The following IQCH variants were observed in gnomAD, a reference collection of about 807,000 sequenced individuals.
IQCH encodes IQ motif containing H.
IQCH carries 98 observed loss-of-function variants against 117.0 expected under a neutral mutation model. That is an observed-to-expected ratio of 0.84 (90% CI 0.71 to 0.99). IQCH has a LOEUF of 0.99. Ranked by LOEUF, IQCH falls within the 50% of genes least tolerant of loss-of-function variation. The pLI is 0.00. For missense variants in IQCH, 1,102 were observed against 1,243.8 expected (o/e 0.89, Z 1.72); for synonymous variants, 412 against 448.2 (o/e 0.92, Z 1.02).
intron 10 of IQCH, among the ~76,000 whole-genome samples, chr15:67,382,513 C>A (rs1265052771): frequency 6.6e-6 from 1 of 152,232 alleles, no homozygotes; most frequent in Non-Finnish European, 1.5e-5. Flanking sequence ...GGCCATTATT[C>A]TGCCTACTAC....
In IQCH at chr15:67,376,369, A is replaced by T. The variant is rs1452226837; in HGVS notation, c.1372+2936A>T. 6.6e-6 allele frequency among the ~76,000 whole-genome samples: 1 copy of T among 152,272 alleles called. No homozygotes were observed. Among genetic ancestry groups the T allele is most frequent in the Non-Finnish European group, 1.5e-5 (1 of 68,046 alleles). On this transcript the variant is annotated intron_variant, in intron 10 of 20. Coordinates refer to ENST00000335894, the MANE Select transcript of IQCH (RefSeq NM_001031715.3). This position sits in a 1 kb window ranked among gnomAD's most constrained non-coding sequence, Gnocchi z 5.0. ...ATTTTTTCTCTAAATGTACTGGAAG[A>T]AAACTAATCTATTCAATCTAGTAAT...
Position 67,416,993 on chromosome 15 carries a change from A to C in IQCH, c.2160A>C (p.Pro720=). Residue 720 remains proline (P), a synonymous_variant, in exon 15 of 21, where the codon CCA becomes CCC. Transcript: ENST00000335894. The surrounding 1 kb of genome is among the most constrained non-coding windows in gnomAD (Gnocchi z 5.1). ...GCATTTTAGCACAGCACGCACAGCC[A>C]GTCAATGAGAAACGGTTCCCGACGT... ...LAGILAQHAQ[P]VNEKRFPTWR... 2.5e-6 allele frequency: 4 copies of C among 1,612,288 alleles called. No individual in the cohort carries two copies. The highest frequency in any genetic ancestry group is 4.5e-5 in the East Asian group (2 of 44,736).
intron 4 of IQCH, among the ~76,000 whole-genome samples, chr15:67,319,732 G>A (rs1328247112): frequency 6.6e-6 from 1 of 152,134 alleles, no homozygotes; most frequent in African/African-American, 2.4e-5. Context: ...GCATATTAGA[G>A]ACATTGTCAC....
chr15:67,298,865 G>GAAC (rs565566204), intron 4 of IQCH, among the ~76,000 whole-genome samples: 3 of 151,976 alleles, frequency 2.0e-5, no homozygotes, highest in African/African-American at 4.8e-5. Flanking sequence ...TAATCTGTCT[G>GAAC]AACAACAACA....
At chr15:67,451,838 A>G (rs1446245244) in intron 16 of IQCH, among the ~76,000 whole-genome samples, 2 of 152,114 alleles carry the variant, frequency 1.3e-5, no homozygotes, top group Non-Finnish European at 1.5e-5. Flanking sequence ...AAAGTCTCCC[A>G]TTATTATTGT....
chr15:67,452,776 T>G (rs2082562380), intron 16 of IQCH, among the ~76,000 whole-genome samples: 1 of 152,272 alleles, frequency 6.6e-6, no homozygotes, highest in African/African-American at 2.4e-5. Context: ...TGGCCTGCCT[T>G]GCTAGATTGG....
At chr15:67,297,080 G>A (rs899556372) in intron 4 of IQCH, among the ~76,000 whole-genome samples, 2 of 152,174 alleles carry the variant, frequency 1.3e-5, no homozygotes, top group Admixed American at 6.5e-5. Context: ...CAGCTGGGCT[G>A]TTTAGGAGCA....
intron 4 of IQCH, among the ~76,000 whole-genome samples, chr15:67,311,407 A>G (rs1194414233): frequency 2.6e-5 from 4 of 151,738 alleles, no homozygotes; most frequent in Non-Finnish European, 4.4e-5. Flanking sequence ...CAGGCAAAAT[A>G]AAATATATAA....
At chr15:67,288,256 T>G (rs897631956) in intron 4 of IQCH, among the ~76,000 whole-genome samples, 1 of 152,114 alleles carries the variant, frequency 6.6e-6, no homozygotes, top group African/African-American at 2.4e-5. Context: ...ATCTATTAAG[T>G]CCATTTGATC....
intron 5 of IQCH, among the ~76,000 whole-genome samples, chr15:67,341,654 T>G (rs1214629650): frequency 6.6e-6 from 1 of 152,182 alleles, no homozygotes; most frequent in Non-Finnish European, 1.5e-5. Flanking sequence ...ATGATTTTTT[T>G]TAAAAGTAAA....
Position 67,458,599 on chromosome 15 carries a change from A to G in IQCH, c.2506-6528A>G, listed in dbSNP as rs963646399. 2.6e-5 allele frequency among the ~76,000 whole-genome samples: 4 copies of G among 152,222 alleles called. No individual in the cohort carries two copies. Among genetic ancestry groups the G allele is most frequent in the Non-Finnish European group, 5.9e-5 (4 of 68,038 alleles). On this transcript the variant is annotated intron_variant, in intron 16 of 20. Transcript: ENST00000335894. The surrounding 1 kb of genome is among the most constrained non-coding windows in gnomAD (Gnocchi z 4.1). ...GTGCATTCCCAGCCTCCACAGCTGT[A>G]AAAAGGAAATAAGCCCTTGGCTCTG...
intron 4 of IQCH, among the ~76,000 whole-genome samples, chr15:67,327,730 T>C (rs139383599): frequency 8.5e-5 from 13 of 152,362 alleles, no homozygotes; most frequent in African/African-American, 3.1e-4. Context: ...CTGAAATCTC[T>C]GCTCAGCTTT....
rs1441312544 is a variant in IQCH at position 67,421,474 on chromosome 15, A to T, written c.2402A>T (p.Tyr801Phe). 5 of 1,614,038 alleles carry T rather than the reference A, an allele frequency of 3.1e-6. No individual in the cohort carries two copies. The highest frequency in any genetic ancestry group is 4.2e-6 in the Non-Finnish European group (5 of 1,180,026). The change falls in exon 16 of 21, where the codon TAT becomes TTT. Residue 801 changes from tyrosine to phenylalanine, a missense_variant. Physicochemically the swap from Tyr to Phe is conservative, Grantham distance 22. Transcript: ENST00000335894. ...TCAGTGGATCCCCAAGTTCTCACTT[A>T]TTTGTGCCTCCAAATTGGAAAAGCC... is the stretch of plus-strand genomic sequence containing the variant. The part of the protein sequence containing the change: ...QTSVDPQVLT[Y>F]LCLQIGKACR...
rs948644623 is a variant in IQCH, at chr15:67,453,290, G to A, written c.2506-11837G>A. ...TGAGGAGCTGCGTTCCTTTGGAGGA[G>A]GAGAGGCGCTCTGCTTTTTAGAGTT... On this transcript the variant is annotated intron_variant, in intron 16 of 20. Coordinates refer to ENST00000335894, the MANE Select transcript of IQCH (RefSeq NM_001031715.3). The surrounding 1 kb of genome is among the most constrained non-coding windows in gnomAD (Gnocchi z 5.8). Among the ~76,000 whole-genome samples, 4 of 152,204 alleles carry A rather than the reference G, an allele frequency of 2.6e-5. No individual in the cohort carries two copies. Among genetic ancestry groups the A allele is most frequent in the African/African-American group, 9.7e-5 (4 of 41,434 alleles).
chr15:67,477,197 C>T (rs1408742139), intron 18 of IQCH, among the ~76,000 whole-genome samples: 2 of 151,750 alleles, frequency 1.3e-5, no homozygotes, highest in Admixed American at 6.6e-5. Context: ...ATTACGGGCA[C>T]GTGCAACCAT....
At chr15:67,428,755 A>C (rs1005513426) in intron 16 of IQCH, among the ~76,000 whole-genome samples, 4 of 151,798 alleles carry the variant, frequency 2.6e-5, no homozygotes, top group African/African-American at 9.7e-5. Flanking sequence ...AGGCTGAGGC[A>C]GGAGAATCGC....
chr15:67,344,466 G>A (rs986234056), intron 6 of IQCH, among the ~76,000 whole-genome samples: 1 of 151,368 alleles, frequency 6.6e-6, no homozygotes, highest in Non-Finnish European at 1.5e-5. Flanking sequence ...TACATTTTTT[G>A]TGAAAAAAAG....
At chr15:67,442,886 AATACATATAGAT>A (rs1316871403) in intron 16 of IQCH, among the ~76,000 whole-genome samples, 2 of 149,078 alleles carry the variant, frequency 1.3e-5, no homozygotes, top group African/African-American at 4.9e-5. Flanking sequence ...ATATATATAA[AATACATATAGAT>A]ATACATACAC....
intron 17 of IQCH, among the ~76,000 whole-genome samples, chr15:67,468,057 A>G (rs2082977657): frequency 6.6e-6 from 1 of 152,208 alleles, no homozygotes; most frequent in African/African-American, 2.4e-5. Flanking sequence ...ACAAGGCCTG[A>G]TAAATCCCAG....
Sources: gnomAD v4.1 joint callset for allele counts (sites outside exome capture counted in the v4.1 genomes callset) on GRCh38, gnomAD v4.1.1 for gene constraint, Gnocchi (gnomAD v3.1) non-coding constraint, MANE v1.5 for transcripts, NCBI Gene and HGNC (gene_info 2026-07-23, HGNC 2026-07-21) for gene names.